The following GPATCH1 variants were observed in gnomAD, a reference collection of about 807,000 sequenced individuals.
GPATCH1 encodes the protein G-patch domain containing 1.
GPATCH1 carries 73 observed loss-of-function variants against 114.9 expected under a neutral mutation model. The observed-to-expected ratio is 0.64, with a 90% CI of 0.53 to 0.77. GPATCH1 has a LOEUF of 0.77. Among genes scored for constraint, GPATCH1 ranks in the 30% least tolerant of loss-of-function variants. GPATCH1 has a pLI of 0.00. For synonymous variants in GPATCH1, 391 were observed against 428.4 expected, an observed-to-expected ratio of 0.91 and a Z score of 1.08; for missense variants, 1,058 against 1,144.3, an observed-to-expected ratio of 0.92 and a Z score of 1.09.
intron 12 of GPATCH1, among the ~76,000 whole-genome samples, 175 bp from the exon 13 acceptor site, chr19:33,112,311 T>C (rs569221632): frequency 9.9e-4 from 151 of 152,224 alleles, no homozygotes; most frequent in African/African-American, 3.5e-3. Context: ...AAAATATACA[T>C]GTATAGGAGA....
rs186053642 is a variant in GPATCH1, at chr19:33,109,557, G to A, written c.1286-160G>A. Among the ~76,000 whole-genome samples, 15 of 152,090 alleles carry A rather than the reference G, an allele frequency of 9.9e-5. No individual in the cohort carries two copies. The South Asian group carries it at 3.1e-3, about 32-fold the overall frequency. On this transcript the variant is annotated intron_variant, in intron 10 of 19. Coordinates refer to ENST00000170564, the MANE Select transcript of GPATCH1 (RefSeq NM_018025.3). ...AAGAAGAATCTCAATTTTTATCACT[G>A]TCTAGTCCACAGGGACATATTAATA...
intron 17 of GPATCH1, among the ~76,000 whole-genome samples, chr19:33,120,966 G>T (rs991294079): frequency 1.3e-5 from 2 of 151,340 alleles, no homozygotes; most frequent in African/African-American, 4.9e-5. Flanking sequence ...CTCCAGCCTG[G>T]GCGACAGAGC....
At chr19:33,105,778 C>A (rs1972777202) in intron 9 of GPATCH1, among the ~76,000 whole-genome samples, 1 of 151,338 alleles carries the variant, frequency 6.6e-6, no homozygotes, top group Non-Finnish European at 1.5e-5. Flanking sequence ...CCTACCTTGT[C>A]CTCCCAAAGT....
At chr19:33,101,003 A>T (rs1213356348) in intron 8 of GPATCH1, among the ~76,000 whole-genome samples, 1 of 152,182 alleles carries the variant, frequency 6.6e-6, no homozygotes, top group South Asian at 2.1e-4. Context: ...GTTAAAGATT[A>T]CAGGCTGACC....
At chr19:33,123,574 ACT>A (rs1433657716) in intron 17 of GPATCH1, among the ~76,000 whole-genome samples, 1 of 151,460 alleles carries the variant, frequency 6.6e-6, no homozygotes, top group Admixed American at 6.6e-5. Context: ...ACATAGGGAG[ACT>A]CTCACTTCCA....
chr19:33,118,596 A>G (rs1972942397), intron 16 of GPATCH1, among the ~76,000 whole-genome samples: 1 of 152,158 alleles, frequency 6.6e-6, no homozygotes, highest in African/African-American at 2.4e-5. Flanking sequence ...TTTCTTTGAT[A>G]ATTTATTTTG....
At chr19:33,099,798 T>G (rs1221608058) in intron 8 of GPATCH1, among the ~76,000 whole-genome samples, 1 of 149,712 alleles carries the variant, frequency 6.7e-6, no homozygotes, top group Non-Finnish European at 1.5e-5. Flanking sequence ...AAGAAGGAAT[T>G]TCCCTCTTGT....
chr19:33,097,971 A>T, intron 8 of GPATCH1, 69 bp downstream of exon 8: 2 of 1,412,628 alleles, frequency 1.4e-6, no homozygotes, highest in South Asian at 2.4e-5. Context: ...GGGCTGCAAG[A>T]GCGATACAGG....
intron 17 of GPATCH1, among the ~76,000 whole-genome samples, chr19:33,122,304 T>C (rs1189050536): frequency 6.8e-6 from 1 of 147,032 alleles, no homozygotes; most frequent in Non-Finnish European, 1.5e-5. Context: ...CACTGTGGCC[T>C]GGTTGTTCGG....
chr19:33,091,259 A>G (rs948236863), intron 3 of GPATCH1, among the ~76,000 whole-genome samples: 6 of 151,766 alleles, frequency 4.0e-5, no homozygotes, highest in Non-Finnish European at 8.8e-5. Context: ...AACAAAATAC[A>G]AAAAATTAGC....
At chr19:33,099,397 A>G (rs1349958545) in intron 8 of GPATCH1, among the ~76,000 whole-genome samples, 1 of 151,956 alleles carries the variant, frequency 6.6e-6, no homozygotes, top group Admixed American at 6.6e-5. Context: ...CTCGTGCACC[A>G]GCTTTGCCCC....
At chr19:33,122,511 G>A (rs892116936) in intron 17 of GPATCH1, among the ~76,000 whole-genome samples, 1 of 151,690 alleles carries the variant, frequency 6.6e-6, no homozygotes, top group Non-Finnish European at 1.5e-5. Flanking sequence ...TTTTAGTAGA[G>A]ATGGGGTTTC....
At chr19:33,108,511 T>C (rs1194033530) in intron 10 of GPATCH1, among the ~76,000 whole-genome samples, 2 of 145,256 alleles carry the variant, frequency 1.4e-5, no homozygotes, top group Non-Finnish European at 3.0e-5. Flanking sequence ...AATCTGGCTC[T>C]TTTTTTTTTT....
At chr19:33,126,348 C>T (rs1354796280) in intron 18 of GPATCH1, among the ~76,000 whole-genome samples, 2 of 152,164 alleles carry the variant, frequency 1.3e-5, no homozygotes, top group African/African-American at 4.8e-5. Context: ...CCTGTCTGCG[C>T]CTTCTTGGTT....
intron 4 of GPATCH1, among the ~76,000 whole-genome samples, chr19:33,093,732 G>C (rs919374765): frequency 1.6e-4 from 24 of 152,190 alleles, no homozygotes; most frequent in African/African-American, 5.5e-4. Context: ...GGGGCTCTCA[G>C]AGGCTGGAGA....
intron 7 of GPATCH1, among the ~76,000 whole-genome samples, chr19:33,096,880 C>T (rs1241547551): frequency 1.3e-5 from 2 of 152,010 alleles, no homozygotes; most frequent in Non-Finnish European, 2.9e-5. Context: ...CCACCTGCCT[C>T]GGCCTCCCAA....
chr19:33,081,823 A>T (rs1341035304), intron 1 of GPATCH1, among the ~76,000 whole-genome samples: 1 of 152,016 alleles, frequency 6.6e-6, no homozygotes, highest in African/African-American at 2.4e-5. Context: ...TCTTGTACTA[A>T]GTGCAGGATT....
intron 9 of GPATCH1, among the ~76,000 whole-genome samples, chr19:33,104,505 A>T (rs1972762036): frequency 1.3e-5 from 2 of 152,180 alleles, no homozygotes; most frequent in South Asian, 4.2e-4. Context: ...CTAAGATGAT[A>T]AAAAAACAGG....
At position 33,117,838 on chromosome 19, in the gene GPATCH1, A is replaced by T; in HGVS notation, c.2210A>T (p.Asp737Val). 6.2e-7 allele frequency: 1 copy of T among 1,612,276 alleles called. No homozygotes were observed. Among genetic ancestry groups the T allele is most frequent in the Non-Finnish European group, 8.5e-7 (1 of 1,178,792 alleles). Residue 737 changes from aspartate (D) to valine (V), a missense_variant, in exon 16 of 20, where the codon GAT becomes GTT. Asp to Val is a radical substitution (Grantham distance 152). Coordinates refer to ENST00000170564, the MANE Select transcript of GPATCH1 (RefSeq NM_018025.3). ...CTGTCAATACAGACCGTCAACAAAG[A>T]TGTGGACGCACAGGCTGAAGGAGAA... ...ELSANQTVNKDVDAQAEGEGS... is the reference protein window; with the variant it reads ...ELSANQTVNKVVDAQAEGEGS...
Sources: allele counts gnomAD v4.1 joint callset (sites outside exome capture counted in the v4.1 genomes callset), GRCh38; gene constraint gnomAD v4.1.1; transcripts MANE v1.5; gene names NCBI Gene and HGNC (gene_info 2026-07-23, HGNC 2026-07-21).